The following OR11A1 variants were observed in gnomAD, a reference collection of about 807,000 sequenced individuals.
The protein encoded by OR11A1 is olfactory receptor 11A1.
For synonymous variants in OR11A1, 158 were observed against 152.2 expected (o/e 1.04, Z -0.28); for missense variants, 380 against 378.2 (o/e 1.00, Z -0.04).
In OR11A1 at chr6:29,427,691, C is replaced by T. The variant is rs1223603380; in HGVS notation, c.-50G>A. On this transcript the variant is annotated 5_prime_UTR_variant, in exon 5 of 5. It removes an upstream start codon present in the reference 5' UTR. Coordinates refer to ENST00000377149, the MANE Select transcript of OR11A1 (RefSeq NM_001394828.1). ...GCAATAATTGGGGGAGAAATTTTAG[C>T]ATGTCTCTGCATCTTCTATACCAAG... 6.4e-7 allele frequency: 1 copy of T among 1,558,436 alleles called. No homozygotes were observed. Among genetic ancestry groups the T allele is most frequent in the East Asian group, 2.3e-5 (1 of 44,002 alleles).
rs751057159 is a variant in OR11A1, at chr6:29,426,716, T to C, written c.926A>G (p.Lys309Arg). 1.2e-6 allele frequency: 2 copies of C among 1,611,398 alleles called. No individual in the cohort carries two copies. Among genetic ancestry groups the C allele is most frequent in the South Asian group, 2.2e-5 (2 of 90,904 alleles). The change falls in exon 5 of 5, where the codon AAA becomes AGA. Residue 309 changes from lysine (K) to arginine (R), a missense_variant. Transcript: ENST00000377149. The part of the protein sequence containing the change: ...HQALRKILCI[K>R]QTETLD The stretch of plus-strand genomic sequence containing the variant: ...CCTTCAATCAAGTGTTTCAGTTTGT[T>C]TGATACAGAGAATCTTCCGAAGTGC...
rs1443528363 is a variant in OR11A1, at chr6:29,427,269, G to A, written c.373C>T (p.Leu125=). The A allele has an allele frequency of 1.2e-6, 2 of 1,613,002 alleles. No homozygotes were observed. Among genetic ancestry groups the A allele is most frequent in the Non-Finnish European group, 1.7e-6 (2 of 1,180,050 alleles). The change falls in exon 5 of 5, where the codon CTG becomes TTG. Residue 125 remains leucine, a synonymous_variant. Transcript: ENST00000377149. ...LLAVMAYDRY[L]AICYPLHYPL... ...TAGTGGAGTGGGTAGCAAATTGCCA[G>A]GTAGCGGTCATATGCCATGACAGCC...
chr6:29,440,712 C>G, intron 1 of OR11A1: 3 of 1,613,856 alleles, frequency 1.9e-6, no homozygotes, highest in Non-Finnish European at 2.5e-6. Flanking sequence ...TGTTGCGGGC[C>G]GCCGCAAGGC....
At chr6:29,447,607 G>A (rs188173993) in intron 1 of OR11A1, among the ~76,000 whole-genome samples, 128 of 152,330 alleles carry the variant, frequency 8.4e-4, no homozygotes, top group African/African-American at 2.9e-3. Context: ...ACAGGGGTGC[G>A]TCCCAATTGT....
At chr6:29,440,497 T>C (rs1166594489) in intron 1 of OR11A1, 2 of 1,613,788 alleles carry the variant, frequency 1.2e-6, no homozygotes, top group African/African-American at 2.7e-5. Context: ...CACACCCCTT[T>C]CATCTTCTCT....
intron 3 of OR11A1, among the ~76,000 whole-genome samples, chr6:29,429,551 C>T (rs1783102584): frequency 6.6e-6 from 1 of 152,002 alleles, no homozygotes; most frequent in South Asian, 2.1e-4. Flanking sequence ...ATGAATTCAA[C>T]CTGAAAGAAA....
intron 1 of OR11A1, among the ~76,000 whole-genome samples, chr6:29,445,317 C>A (rs1784637178): frequency 6.6e-6 from 1 of 152,168 alleles, no homozygotes; most frequent in Non-Finnish European, 1.5e-5. Context: ...TATCCTCATT[C>A]TTTAGCTTTG....
At position 29,427,583 on chromosome 6, in the gene OR11A1, T is replaced by C. The variant is rs1445059815; in HGVS notation, c.59A>G (p.Tyr20Cys). 5.6e-6 allele frequency: 9 copies of C among 1,612,922 alleles called. No individual in the cohort carries two copies. Among genetic ancestry groups the C allele is most frequent in the African/African-American group, 1.3e-5 (1 of 74,936 alleles). The part of the protein sequence containing the change: ...TITEFVLLGF[Y>C]DIPELHFLFF... Reference sequence around the variant, plus strand: ...CAAGAAATGCAGTTCAGGGATGTCATAGAAGCCAAGGAGGACAAATTCAGT... The same window carrying C: ...CAAGAAATGCAGTTCAGGGATGTCACAGAAGCCAAGGAGGACAAATTCAGT... Residue 20 changes from tyrosine (Y) to cysteine (C), a missense_variant, in exon 5 of 5, where the codon TAT becomes TGT. Coordinates refer to ENST00000377149, the MANE Select transcript of OR11A1 (RefSeq NM_001394828.1).
intron 1 of OR11A1, chr6:29,440,219 G>A: frequency 6.2e-7 from 1 of 1,613,916 alleles, no homozygotes; most frequent in Non-Finnish European, 8.5e-7. Flanking sequence ...TCTCGGCCTT[G>A]GAGATTGGCT....
At position 29,427,060 on chromosome 6, in the gene OR11A1, T is replaced by C; in HGVS notation, c.582A>G (p.Arg194=). 3.1e-6 allele frequency: 5 copies of C among 1,612,302 alleles called. No individual in the cohort carries two copies. Among genetic ancestry groups the C allele is most frequent in the Non-Finnish European group, 4.2e-6 (5 of 1,179,988 alleles). Residue 194 remains arginine, a synonymous_variant, in exon 5 of 5, where the codon AGA becomes AGG. Transcript: ENST00000377149. Reference sequence around the variant, plus strand: ...GAATGAGAGTTGTCACCTGAGCCACTCTGGGATCCGAGCAAGCCAGGCCCA... The same window carrying C: ...GAATGAGAGTTGTCACCTGAGCCACCCTGGGATCCGAGCAAGCCAGGCCCA... The part of the protein sequence containing the change: ...LFVGLACSDP[R]VAQVTTLILS...
intron 1 of OR11A1, among the ~76,000 whole-genome samples, chr6:29,451,167 G>T (rs1785332781): frequency 6.6e-6 from 1 of 152,160 alleles, no homozygotes; most frequent in Non-Finnish European, 1.5e-5. Context: ...GATTGAAACT[G>T]GACCCTTTCC....
chr6:29,451,784 A>T lies in OR11A1; in HGVS notation c.-389+5203T>A, dbSNP rs183595210. Among the ~76,000 whole-genome samples, 76 of 152,316 alleles carry T rather than the reference A, an allele frequency of 5.0e-4. 1 individual carries two copies. In the East Asian group the frequency reaches 0.014, roughly 29 times the overall value. On this transcript the variant is annotated intron_variant, in intron 1 of 4. Coordinates refer to ENST00000377149, the MANE Select transcript of OR11A1 (RefSeq NM_001394828.1). ...AATGTATGTTGAAAGTGGTTTGGAG[A>T]TTTCTCAAAGAACTTAAAACTGAAC...
chr6:29,438,391 G>A (rs995951194), intron 1 of OR11A1, among the ~76,000 whole-genome samples: 6 of 150,642 alleles, frequency 4.0e-5, no homozygotes, highest in African/African-American at 1.5e-4. Flanking sequence ...TATATTATTA[G>A]TTACCTGTAG....
At chr6:29,439,813 A>G (rs989553997) in intron 1 of OR11A1, 2 of 590,194 alleles carry the variant, frequency 3.4e-6, no homozygotes, top group Non-Finnish European at 6.0e-6. Context: ...ATACTCATCC[A>G]GGATCCCAAG....
rs758041484 is a variant in OR11A1, at chr6:29,427,645, G to A, written c.-4C>T. The A allele has an allele frequency of 1.3e-5, 20 of 1,599,254 alleles. No individual in the cohort carries two copies. The highest frequency in any genetic ancestry group is 2.7e-5 in the African/African-American group (2 of 74,480). On this transcript the variant is annotated 5_prime_UTR_variant, in exon 5 of 5. An upstream open reading frame in the 5' UTR gains an earlier in-frame stop. Coordinates refer to ENST00000377149, the MANE Select transcript of OR11A1 (RefSeq NM_001394828.1). Reference sequence around the variant, plus strand: ...TTCCTGTGGAGACAATTTCCATGTCGATCGTCCAAGTTTCTGCTTGGCAAT... The same window carrying A: ...TTCCTGTGGAGACAATTTCCATGTCAATCGTCCAAGTTTCTGCTTGGCAAT...
chr6:29,453,782 T>C lies in OR11A1; in HGVS notation c.-389+3205A>G, dbSNP rs528561193. Among the ~76,000 whole-genome samples the C allele has an allele frequency of 4.7e-4, 71 of 152,278 alleles. No homozygotes were observed. The highest frequency in any genetic ancestry group is 1.8e-3 in the Admixed American group (28 of 15,300). On this transcript the variant is annotated intron_variant, in intron 1 of 4. Coordinates refer to ENST00000377149, the MANE Select transcript of OR11A1 (RefSeq NM_001394828.1). The surrounding 1 kb of genome is among the most constrained non-coding windows in gnomAD (Gnocchi z 4.5). ...AGAAGAAACATGAGAGAAACCAGCA[T>C]GAAGTAAAATCCAAGACAAACTTAA...
At chr6:29,448,684 A>G (rs1484356282) in intron 1 of OR11A1, among the ~76,000 whole-genome samples, 2 of 152,174 alleles carry the variant, frequency 1.3e-5, no homozygotes, top group Non-Finnish European at 2.9e-5. Flanking sequence ...ATGAATTCTT[A>G]TTCCTTTTCA....
chr6:29,443,695 G>A (rs538870174), intron 1 of OR11A1, among the ~76,000 whole-genome samples: 1 of 152,242 alleles, frequency 6.6e-6, no homozygotes, highest in Non-Finnish European at 1.5e-5. Context: ...CATGGGAAGT[G>A]TATGTTTAAT....
At position 29,426,835 on chromosome 6, in the gene OR11A1, C is replaced by G; in HGVS notation, c.807G>C (p.Gln269His). ...GCAGGGAGAAGACCTTGGAGAGGAG[C>G]TGGGAATGGACAGCAGAGGGTGCAA... ...FYVAPSAVHS[Q>H]LLSKVFSLLY... The change falls in exon 5 of 5, where the codon CAG becomes CAC. Residue 269 changes from glutamine to histidine, a missense_variant. Gln to His is a conservative substitution (Grantham distance 24). Transcript: ENST00000377149. 1 of 1,612,738 alleles carries G rather than the reference C, an allele frequency of 6.2e-7. No individual in the cohort carries two copies. Among genetic ancestry groups the G allele is most frequent in the Non-Finnish European group, 8.5e-7 (1 of 1,179,896 alleles).
Sources: allele counts gnomAD v4.1 joint callset (sites outside exome capture counted in the v4.1 genomes callset), GRCh38; gene constraint gnomAD v4.1.1; non-coding constraint Gnocchi (gnomAD v3.1); transcripts MANE v1.5; gene names NCBI Gene and HGNC (gene_info 2026-07-23, HGNC 2026-07-21).